Variants in TRABD2B observed in about 807,000 individuals in gnomAD.
TRABD2B encodes metalloprotease TIKI2.
A neutral mutation model predicts 40.1 loss-of-function variants in TRABD2B; 14 were observed. The observed-to-expected ratio is 0.35, with a 90% CI of 0.23 to 0.55. The LOEUF (loss-of-function observed/expected upper bound fraction) is 0.55. TRABD2B is among the 20% of genes least tolerant of loss of function. The pLI is 0.90. For missense variants in TRABD2B, 541 were observed against 648.6 expected (o/e 0.83, Z 1.80); for synonymous variants, 263 against 277.0 (o/e 0.95, Z 0.50).
chr1:47,819,190 C>T (rs1645074632), intron 2 of TRABD2B: 1 of 152,272 alleles, frequency 6.6e-6, no homozygotes, highest in African/African-American at 2.4e-5. Flanking sequence ...CTCACAGGGA[C>T]AGGATTCCGC....
chr1:47,815,858 G>GAAAT (rs1478910370), intron 2 of TRABD2B, among the ~76,000 whole-genome samples: 8 of 150,810 alleles, frequency 5.3e-5, no homozygotes, highest in African/African-American at 1.9e-4. Context: ...GATAGAAATA[G>GAAAT]AGTCAGGAGT....
At chr1:47,874,737 T>C (rs1056887341) in intron 2 of TRABD2B, among the ~76,000 whole-genome samples, 2 of 151,116 alleles carry the variant, frequency 1.3e-5, no homozygotes, top group African/African-American at 4.9e-5. Flanking sequence ...CTGGCTAATA[T>C]ATATATATAT....
chr1:47,997,265 T>G lies in TRABD2B; in HGVS notation c.-476A>C, dbSNP rs919875221. 8 of 952,576 alleles carry G rather than the reference T, an allele frequency of 8.4e-6. No individual in the cohort carries two copies. The highest frequency in any genetic ancestry group is 3.9e-5 in the African/African-American group (2 of 51,498). The allele number at this position is 952,576 out of a possible 1,614,324, so 59.0% of individuals were successfully genotyped here. A position where few individuals can be genotyped will look rare whatever the true frequency, so the allele number is the denominator to read the frequency against. ...AGTGCGGCGGAAGGCGCGGCAGGGG[T>G]GGGGGGCGGCTCTGGGGCGACCGGC... On this transcript the variant is annotated 5_prime_UTR_variant, in exon 1 of 7. Transcript: ENST00000606738.
At chr1:47,900,153 T>C (rs1644580230) in intron 2 of TRABD2B, among the ~76,000 whole-genome samples, 1 of 151,832 alleles carries the variant, frequency 6.6e-6, no homozygotes, top group Non-Finnish European at 1.5e-5. Flanking sequence ...CCTGCCAGAC[T>C]GAGGGGGTGT....
intron 4 of TRABD2B, among the ~76,000 whole-genome samples, chr1:47,785,171 T>C (rs200357418): frequency 6.6e-6 from 1 of 152,050 alleles, no homozygotes; most frequent in Non-Finnish European, 1.5e-5. Context: ...ATAGTGAGGG[T>C]TGGAACACGA....
intron 2 of TRABD2B, among the ~76,000 whole-genome samples, chr1:47,890,386 C>T (rs1002831196): frequency 6.6e-6 from 1 of 152,188 alleles, no homozygotes; most frequent in East Asian, 1.9e-4. Flanking sequence ...ACAGTAGCAG[C>T]AGTGATAGGC....
chr1:47,931,970 T>G (rs922689386), intron 2 of TRABD2B, among the ~76,000 whole-genome samples: 1 of 152,360 alleles, frequency 6.6e-6, no homozygotes, highest in African/African-American at 2.4e-5. Flanking sequence ...ATATGATATT[T>G]GATCACAGGA....
At chr1:47,769,762 G>A (rs1433878402) in intron 6 of TRABD2B, among the ~76,000 whole-genome samples, 3 of 152,258 alleles carry the variant, frequency 2.0e-5, no homozygotes, top group African/African-American at 7.2e-5. Flanking sequence ...GTGGGGAAGA[G>A]GCCCTCTGCT....
chr1:47,948,211 T>C (rs1207935335), intron 2 of TRABD2B, among the ~76,000 whole-genome samples: 4 of 152,162 alleles, frequency 2.6e-5, no homozygotes, highest in Non-Finnish European at 4.4e-5. Context: ...CTTGGGCATG[T>C]AGGCAAAGGT....
At chr1:47,843,399 C>T (rs1047563376) in intron 2 of TRABD2B, among the ~76,000 whole-genome samples, 2 of 152,238 alleles carry the variant, frequency 1.3e-5, no homozygotes, top group African/African-American at 2.4e-5. Context: ...ACCAACTGGA[C>T]GTAGGGCGAG....
chr1:47,880,605 G>A (rs1644289530), intron 2 of TRABD2B, among the ~76,000 whole-genome samples: 1 of 152,158 alleles, frequency 6.6e-6, no homozygotes, highest in Non-Finnish European at 1.5e-5. Context: ...AACTGTCCGG[G>A]GAGGTGTCAT....
intron 2 of TRABD2B, among the ~76,000 whole-genome samples, chr1:47,805,098 G>C (rs998382439): frequency 6.6e-6 from 1 of 152,068 alleles, no homozygotes; most frequent in Non-Finnish European, 1.5e-5. Flanking sequence ...AGGCAGGATG[G>C]GGCTTGCCTA....
Position 47,760,799 on chromosome 1 carries a change from TG to T in TRABD2B, c.*5102del, listed in dbSNP as rs1644236198. The T allele has an allele frequency of 1.3e-5, 2 of 152,332 alleles. No individual in the cohort carries two copies. Among genetic ancestry groups the T allele is most frequent in the South Asian group, 4.1e-4 (2 of 4,824 alleles). 9.4% of individuals were successfully genotyped at this position (152,332 alleles called of 1,614,324 possible). ...GCAGGGGCTCTGGCTTCCTCTGTTC[TG>T]GGCTAGAGCCTCCTTTGGCTGAATC... On this transcript the variant is annotated 3_prime_UTR_variant, in exon 7 of 7. Coordinates refer to ENST00000606738, the MANE Select transcript of TRABD2B (RefSeq NM_001194986.2).
chr1:47,885,418 C>A (rs1475922142), intron 2 of TRABD2B, among the ~76,000 whole-genome samples: 1 of 152,200 alleles, frequency 6.6e-6, no homozygotes, highest in Non-Finnish European at 1.5e-5. Flanking sequence ...ATCCTTGAGA[C>A]AAAGGGCTGT....
At chr1:47,906,640 G>T (rs894185259) in intron 2 of TRABD2B, among the ~76,000 whole-genome samples, 1 of 152,214 alleles carries the variant, frequency 6.6e-6, no homozygotes, top group Admixed American at 6.5e-5. Context: ...CTGCTTGGTA[G>T]CAGCCTGGCT....
chr1:47,903,360 G>C (rs1422490234), intron 2 of TRABD2B, among the ~76,000 whole-genome samples: 1 of 152,114 alleles, frequency 6.6e-6, no homozygotes, highest in Non-Finnish European at 1.5e-5. Context: ...AGACCCAGCT[G>C]TGCCTCTCCT....
chr1:47,782,008 T>C (rs1259137929), intron 4 of TRABD2B, among the ~76,000 whole-genome samples: 2 of 152,208 alleles, frequency 1.3e-5, no homozygotes, highest in East Asian at 3.8e-4. Flanking sequence ...CTGGGAACCA[T>C]GCCCTTGGCC....
At chr1:47,796,347 CACCAG>C (rs1644747928) in intron 3 of TRABD2B, among the ~76,000 whole-genome samples, 1 of 152,214 alleles carries the variant, frequency 6.6e-6, no homozygotes, top group Non-Finnish European at 1.5e-5. Flanking sequence ...AAGCACAAGA[CACCAG>C]ACCTTGCAAA....
At chr1:47,877,022 G>T (rs890312817) in intron 2 of TRABD2B, among the ~76,000 whole-genome samples, 3 of 152,120 alleles carry the variant, frequency 2.0e-5, no homozygotes. Context: ...GAGAGACAAA[G>T]AAATAAACAT....
Sources: allele counts gnomAD v4.1 joint callset (sites outside exome capture counted in the v4.1 genomes callset), GRCh38; gene constraint gnomAD v4.1.1; transcripts MANE v1.5; gene names NCBI Gene and HGNC (gene_info 2026-07-23, HGNC 2026-07-21).